The following SON variants were observed in gnomAD, a reference collection of about 807,000 sequenced individuals.
The protein encoded by SON is SON DNA and RNA binding protein, also known as protein SON.
Under a neutral mutation model 173.3 loss-of-function variants are expected in SON, and 4 were observed. The ratio of observed to expected loss-of-function variants is 0.02; its 90% CI spans 0.01 to 0.05. The LOEUF is 0.05. Ranked by LOEUF, SON falls within the 10% of genes least tolerant of loss-of-function variation. The pLI is 1.00. For synonymous variants in SON, 1,190 were observed against 1,105.9 expected, an observed-to-expected ratio of 1.08 and a Z score of -1.51; for missense variants, 2,626 against 3,055.3, an observed-to-expected ratio of 0.86 and a Z score of 3.31.
At position 33,553,097 on chromosome 21, in the gene SON, C is replaced by G; in HGVS notation, c.3866C>G (p.Pro1289Arg). Reference sequence around the variant, plus strand: ...GTGACTTGTATGGTATCTGAAACTCCCGCCATGTCAGCTGAACCAACTGTG... The same window carrying G: ...GTGACTTGTATGGTATCTGAAACTCGCGCCATGTCAGCTGAACCAACTGTG... ...RPVTCMVSET[P>R]AMSAEPTVLA... is the part of the protein sequence containing the mutation. The change falls in exon 3 of 12, where the codon CCC becomes CGC. Residue 1289 changes from proline to arginine, a missense_variant. Physicochemically the swap from Pro to Arg is moderately radical, Grantham distance 103 (BLOSUM62 -2). Around this residue, in one of 13 missense-constraint regions of SON, gnomAD observed 1,006 missense variants for 895.6 expected, o/e 1.12. Coordinates refer to ENST00000356577, the MANE Select transcript of SON (RefSeq NM_138927.4). 1 of 1,614,158 alleles carries G rather than the reference C, an allele frequency of 6.2e-7. No homozygotes were observed. The highest frequency in any genetic ancestry group is 8.5e-7 in the Non-Finnish European group (1 of 1,180,026).
Position 33,551,851 on chromosome 21 carries a change from C to A in SON, c.2620C>A (p.Gln874Lys), listed in dbSNP as rs201414490. ...GTTAGCATCTGGCACTATGGACTCT[C>A]AAATGTTAGCTTCTGGCACCATGGA... is the stretch of plus-strand genomic sequence containing the variant. Reference protein sequence around the residue: ...QMLASGTMDSQMLASGTMDAQ... With the variant: ...QMLASGTMDSKMLASGTMDAQ... The change falls in exon 3 of 12, where the codon CAA (glutamine) becomes AAA (lysine). Residue 874 changes from glutamine (Q) to lysine (K), a missense_variant. Around this residue, in one of 13 missense-constraint regions of SON, gnomAD observed 366 missense variants for 448.6 expected, o/e 0.82. Transcript: ENST00000356577. The A allele has an allele frequency of 1.2e-6, 2 of 1,613,976 alleles. No individual in the cohort carries two copies. Among genetic ancestry groups the A allele is most frequent in the Non-Finnish European group, 1.7e-6 (2 of 1,180,004 alleles).
chr21:33,563,874 A>G (rs778370976), intron 6 of SON, among the ~76,000 whole-genome samples: 14 of 152,138 alleles, frequency 9.2e-5, no homozygotes, highest in African/African-American at 2.7e-4. Context: ...TTGCTGAGGG[A>G]GAGAGAGTGA....
At position 33,552,987 on chromosome 21, in the gene SON, A is replaced by G; in HGVS notation, c.3756A>G (p.Pro1252=). The G allele has an allele frequency of 6.2e-7, 1 of 1,614,072 alleles. No individual in the cohort carries two copies. The highest frequency in any genetic ancestry group is 8.5e-7 in the Non-Finnish European group (1 of 1,179,962). The change falls in exon 3 of 12, where the codon CCA becomes CCG. Residue 1252 remains proline (P), a synonymous_variant. Transcript: ENST00000356577. This position sits in a 1 kb window ranked among gnomAD's most constrained non-coding sequence, Gnocchi z 5.6. ...SEAAVTVPEP[P]PEPESSITLT... is the part of the protein sequence containing the mutation. The stretch of plus-strand genomic sequence containing the variant: ...CTGCTGTGACTGTTCCAGAACCACC[A>G]CCAGAGCCAGAATCTTCAATTACGT...
In SON at chr21:33,554,820, A is replaced by G. The variant is rs1336916853; in HGVS notation, c.5589A>G (p.Ser1863=). The change falls in exon 3 of 12, where the codon TCA becomes TCG. Residue 1863 remains serine, a synonymous_variant. Transcript: ENST00000356577. ...KSKSHRSQTR[S]RSRSRRRRRS... ...AGTCTCATCGCTCTCAGACACGTTC[A>G]CGGTCACGTTCAAGACGCAGGAGGA... The G allele has an allele frequency of 1.2e-6, 2 of 1,614,006 alleles. No individual in the cohort carries two copies. Among genetic ancestry groups the G allele is most frequent in the East Asian group, 4.5e-5 (2 of 44,884 alleles).
Position 33,550,311 on chromosome 21 carries a change from G to A in SON, c.1080G>A (p.Glu360=). ...ATTCATCCATGACAAGACCGCAGGA[G>A]TTGCCGGAGCTGCCTAAGACCACAG... is the stretch of plus-strand genomic sequence containing the variant. ...IADSSMTRPQ[E]LPELPKTTAL... The change falls in exon 3 of 12, where the codon GAG becomes GAA. Residue 360 remains glutamate (E), a synonymous_variant. Transcript: ENST00000356577. 4 of 1,614,226 alleles carry A rather than the reference G, an allele frequency of 2.5e-6. No individual in the cohort carries two copies. The highest frequency in any genetic ancestry group is 3.4e-6 in the Non-Finnish European group (4 of 1,180,034).
chr21:33,547,625 A>T (rs1415525732), intron 2 of SON, among the ~76,000 whole-genome samples: 1 of 139,004 alleles, frequency 7.2e-6, no homozygotes, highest in African/African-American at 2.5e-5. Flanking sequence ...AACATTTTGT[A>T]TTATGAAACA....
rs1427005674 is a variant in SON, at chr21:33,554,275, C to T, written c.5044C>T (p.Pro1682Ser). The T allele has an allele frequency of 6.2e-7, 1 of 1,613,948 alleles. No individual in the cohort carries two copies. The highest frequency in any genetic ancestry group is 1.3e-5 in the African/African-American group (1 of 74,882). The change falls in exon 3 of 12, where the codon CCA becomes TCA. Residue 1682 changes from proline (P) to serine (S), a missense_variant. By Grantham distance (74) the Pro-to-Ser change is moderately conservative (BLOSUM62 -1). Coordinates refer to ENST00000356577, the MANE Select transcript of SON (RefSeq NM_138927.4). ...CCTTGTTAGTAAGGATACAGAAGAA[C>T]CATTACCTGTAAAAGAGAGTGACCA... Reference protein sequence around the residue: ...NNLVSKDTEEPLPVKESDQTL... With the variant: ...NNLVSKDTEESLPVKESDQTL...
chr21:33,573,723 T>TA (rs1380809272), intron 9 of SON, among the ~76,000 whole-genome samples: 1 of 152,258 alleles, frequency 6.6e-6, no homozygotes, highest in Non-Finnish European at 1.5e-5. Flanking sequence ...ATTTTATTAT[T>TA]ACACCTCCAA....
chr21:33,543,317 C>T (rs550673965), intron 1 of SON, 148 bp downstream of exon 1: 1 of 669,486 alleles, frequency 1.5e-6, no homozygotes, highest in Non-Finnish European at 2.6e-6. Context: ...TTCCGGGCCC[C>T]CCCCAACCGC....
At position 33,550,117 on chromosome 21, in the gene SON, G is replaced by A; in HGVS notation, c.886G>A (p.Val296Ile). The A allele has an allele frequency of 6.2e-7, 1 of 1,614,180 alleles. No homozygotes were observed. The highest frequency in any genetic ancestry group is 8.5e-7 in the Non-Finnish European group (1 of 1,180,034). The change falls in exon 3 of 12, where the codon GTA becomes ATA. Residue 296 changes from valine to isoleucine, a missense_variant. Physicochemically the swap from Val to Ile is conservative, Grantham distance 29 (BLOSUM62 3). This residue lies in a region of SON where 757 missense variants were observed against 730.1 expected (regional missense o/e 1.04). Coordinates refer to ENST00000356577, the MANE Select transcript of SON (RefSeq NM_138927.4). ...PSKIMLVEPPVAKVLEPSETL... is the reference protein window; with the variant it reads ...PSKIMLVEPPIAKVLEPSETL... Reference sequence around the variant, plus strand: ...AAAGATCATGTTGGTAGAGCCCCCAGTAGCAAAAGTGTTAGAGCCTTCAGA... The same window carrying A: ...AAAGATCATGTTGGTAGAGCCCCCAATAGCAAAAGTGTTAGAGCCTTCAGA...
chr21:33,572,963 T>C, intron 8 of SON: 1 of 214,424 alleles, frequency 4.7e-6, no homozygotes. Flanking sequence ...GTTTTAACAT[T>C]GCCTTCTTTT....
intron 6 of SON, chr21:33,560,068 A>C: frequency 6.2e-7 from 1 of 1,614,200 alleles, no homozygotes; most frequent in Non-Finnish European, 8.5e-7. Flanking sequence ...AAGGTAGTCC[A>C]AGGTACAACT....
In SON at chr21:33,550,295, T is replaced by A; in HGVS notation, c.1064T>A (p.Met355Lys). The stretch of plus-strand genomic sequence containing the variant: ...CCATCGGAGATTGCAGATTCATCCA[T>A]GACAAGACCGCAGGAGTTGCCGGAG... Reference protein sequence around the residue: ...DVPSEIADSSMTRPQELPELP... With the variant: ...DVPSEIADSSKTRPQELPELP... Residue 355 changes from methionine to lysine, a missense_variant, in exon 3 of 12, where the codon ATG becomes AAG. By Grantham distance (95) the Met-to-Lys change is moderately conservative. Transcript: ENST00000356577. 6.2e-7 allele frequency: 1 copy of A among 1,614,014 alleles called. No individual in the cohort carries two copies. Among genetic ancestry groups the A allele is most frequent in the Non-Finnish European group, 8.5e-7 (1 of 1,179,976 alleles).
intron 6 of SON, 55 bp from the exon 7 acceptor site, chr21:33,567,102 C>A: frequency 1.0e-6 from 1 of 999,588 alleles, no homozygotes; most frequent in Non-Finnish European, 1.5e-6. Context: ...GAGTACTTTT[C>A]AGAATTTAGG....
Position 33,567,177 on chromosome 21 carries a change from A to C in SON, c.6678A>C (p.Ala2226=). The C allele has an allele frequency of 6.2e-7, 1 of 1,605,094 alleles. No homozygotes were observed. The highest frequency in any genetic ancestry group is 8.5e-7 in the Non-Finnish European group (1 of 1,172,268). The change falls in exon 7 of 12, where the codon GCA becomes GCC. Residue 2226 remains alanine, a synonymous_variant. Coordinates refer to ENST00000356577, the MANE Select transcript of SON (RefSeq NM_138927.4). The stretch of plus-strand genomic sequence containing the variant: ...CTTAGCCTGTGGACATCTCTACAGC[A>C]ATGAGTGAACGGGCACTTGCTCAGA... ...LPSEPVDIST[A]MSERALAQKR...
chr21:33,550,704 G>T lies in SON; in HGVS notation c.1473G>T (p.Leu491Phe). Reference protein sequence around the residue: ...GLPLVTAAVELPEQPAVTVAM... With the variant: ...GLPLVTAAVEFPEQPAVTVAM... ...CTTTGGTGACAGCAGCAGTAGAGTT[G>T]CCAGAGCAGCCTGCGGTAACAGTAG... Residue 491 changes from leucine to phenylalanine, a missense_variant, in exon 3 of 12, where the codon TTG becomes TTT. Around this residue, in one of 13 missense-constraint regions of SON, gnomAD observed 757 missense variants for 730.1 expected, o/e 1.04. Transcript: ENST00000356577. The T allele has an allele frequency of 6.2e-7, 1 of 1,614,180 alleles. No homozygotes were observed. The highest frequency in any genetic ancestry group is 8.5e-7 in the Non-Finnish European group (1 of 1,180,018).
At position 33,553,611 on chromosome 21, in the gene SON, A is replaced by G; in HGVS notation, c.4380A>G (p.Val1460=). 4.3e-6 allele frequency: 7 copies of G among 1,614,042 alleles called. No homozygotes were observed. The highest frequency in any genetic ancestry group is 5.9e-6 in the Non-Finnish European group (7 of 1,179,972). Residue 1460 remains valine, a synonymous_variant, in exon 3 of 12, where the codon GTA becomes GTG. Transcript: ENST00000356577. ...TCACAGTCTCAGAGCAGACTCAAGTAATACCAACTGAGGTGGCTATAGAGT... is the reference window on the plus strand; with the variant it reads ...TCACAGTCTCAGAGCAGACTCAAGTGATACCAACTGAGGTGGCTATAGAGT... ...PAVTVSEQTQ[V]IPTEVAIEST...
At chr21:33,558,010 C>T (rs1284587887) in intron 4 of SON, 1 of 170,676 alleles carries the variant, frequency 5.9e-6, no homozygotes, top group African/African-American at 2.4e-5. Context: ...AATATTGCTG[C>T]TAGGATCCAG....
Position 33,543,150 on chromosome 21 carries a change from A to G in SON, c.58A>G (p.Ile20Val). ...RSFVVSKFRE[I>V]QQELSSGRNE... ...TTTCGTGGTCAGTAAATTCCGGGAA[A>G]TTCAACAGGAGCTTTCCAGGTAAAC... The change falls in exon 1 of 12, where the codon ATT becomes GTT. Residue 20 changes from isoleucine to valine, a missense_variant. Physicochemically the swap from Ile to Val is conservative, Grantham distance 29. Transcript: ENST00000356577. The G allele has an allele frequency of 5.6e-6, 9 of 1,614,180 alleles. No homozygotes were observed. Among genetic ancestry groups the G allele is most frequent in the Non-Finnish European group, 7.6e-6 (9 of 1,180,006 alleles).
Sources: gnomAD v4.1 joint callset for allele counts (sites outside exome capture counted in the v4.1 genomes callset) on GRCh38, gnomAD v4.1.1 for gene constraint, gnomAD v4.1.1 regional missense constraint, Gnocchi (gnomAD v3.1) non-coding constraint, MANE v1.5 for transcripts, NCBI Gene and HGNC (gene_info 2026-07-23, HGNC 2026-07-21) for gene names.